Variants in BRI3BP observed in about 807,000 individuals in gnomAD.
The protein encoded by BRI3BP is BRI3-binding protein.
BRI3BP carries 7 observed loss-of-function variants against 15.8 expected under a neutral mutation model. That is an observed-to-expected ratio of 0.44 (90% CI 0.25 to 0.83). The LOEUF is 0.83. BRI3BP is among the 40% of genes least tolerant of loss of function. The pLI, the probability that BRI3BP is intolerant of heterozygous loss-of-function variation, is 0.20. For missense variants in BRI3BP, 320 were observed against 339.3 expected, an observed-to-expected ratio of 0.94 and a Z score of 0.45; for synonymous variants, 192 against 163.5, an observed-to-expected ratio of 1.17 and a Z score of -1.33.
Position 125,030,982 on chromosome 12 carries a change from CTTTAG to C in BRI3BP, c.*5556_*5560del, listed in dbSNP as rs1321346338. On this transcript the variant is annotated 3_prime_UTR_variant, in exon 3 of 3. Transcript: ENST00000341446. ...TACATGGTGTGTGTGTGTGTGTGCACTTTAGTTTCGTGAGCCTTGGGAAACTGATT... is the reference window on the plus strand; with the variant it reads ...TACATGGTGTGTGTGTGTGTGTGCACTTTCGTGAGCCTTGGGAAACTGATT... 1 of 151,808 alleles carries C rather than the reference CTTTAG, an allele frequency of 6.6e-6. No individual in the cohort carries two copies. The highest frequency in any genetic ancestry group is 1.5e-5 in the Non-Finnish European group (1 of 67,978). The allele number at this position is 151,808 out of a possible 1,614,324, so 9.4% of individuals were successfully genotyped here.
intron 2 of BRI3BP, among the ~76,000 whole-genome samples, chr12:125,020,421 G>A (rs1428435724): frequency 6.6e-6 from 1 of 152,138 alleles, no homozygotes; most frequent in African/African-American, 2.4e-5. Flanking sequence ...CCATTCATGG[G>A]GGCTCCACCC....
At chr12:125,013,047 G>A (rs1955210439) in intron 2 of BRI3BP, among the ~76,000 whole-genome samples, 1 of 152,144 alleles carries the variant, frequency 6.6e-6, no homozygotes, top group South Asian at 2.1e-4. Flanking sequence ...TCATGCCACT[G>A]TACTCCAGAC....
intron 2 of BRI3BP, among the ~76,000 whole-genome samples, chr12:125,019,203 C>T (rs1280261903): frequency 6.6e-6 from 1 of 152,108 alleles, no homozygotes; most frequent in Non-Finnish European, 1.5e-5. Flanking sequence ...CTAGGGAAGT[C>T]AGACGGTGCC....
chr12:125,015,067 C>A (rs1410093543), intron 2 of BRI3BP, among the ~76,000 whole-genome samples: 1 of 152,184 alleles, frequency 6.6e-6, no homozygotes, highest in East Asian at 1.9e-4. Context: ...ACACCCAGCC[C>A]ACCCTTGGTT....
At chr12:125,008,401 C>T (rs530406959) in intron 1 of BRI3BP, among the ~76,000 whole-genome samples, 1 of 151,378 alleles carries the variant, frequency 6.6e-6, no homozygotes, top group African/African-American at 2.4e-5. Flanking sequence ...CAAGCTCCGC[C>T]TCCCGGGTTC....
Position 125,026,284 on chromosome 12 carries a change from A to G in BRI3BP, c.*854A>G, listed in dbSNP as rs1335166887. 6.6e-6 allele frequency: 1 copy of G among 151,366 alleles called. No individual in the cohort carries two copies. The highest frequency in any genetic ancestry group is 2.4e-5 in the African/African-American group (1 of 41,190). 9.4% of individuals were successfully genotyped at this position (151,366 alleles called of 1,614,324 possible). On this transcript the variant is annotated 3_prime_UTR_variant, in exon 3 of 3. Coordinates refer to ENST00000341446, the MANE Select transcript of BRI3BP (RefSeq NM_080626.6). The stretch of plus-strand genomic sequence containing the variant: ...GCATGTCCCAATTTGCAGTTTGCTC[A>G]CTAGGGCTATATACAAAAGCTATAC...
chr12:125,000,016 CTTTTTTTTTTTTTTT>C (rs66571863), intron 1 of BRI3BP, among the ~76,000 whole-genome samples: 1 of 40,692 alleles, frequency 2.5e-5, no homozygotes, highest in Non-Finnish European at 4.3e-5. Flanking sequence ...TTTGGTTTTT[CTTTTTTTTTTTTTTT>C]TTTGCCGTTC....
intron 1 of BRI3BP, among the ~76,000 whole-genome samples, chr12:125,011,735 A>AG (rs1250468989): frequency 1.3e-5 from 2 of 151,924 alleles, no homozygotes; most frequent in African/African-American, 2.4e-5. Flanking sequence ...TAAAAAAAAA[A>AG]GTTAAAATGA....
chr12:125,014,111 T>G (rs777797158), intron 2 of BRI3BP, among the ~76,000 whole-genome samples: 9 of 152,116 alleles, frequency 5.9e-5, no homozygotes, highest in Non-Finnish European at 1.3e-4. Flanking sequence ...CATCCCATGC[T>G]CTCAGGATGA....
Position 125,025,657 on chromosome 12 carries a change from A to G in BRI3BP, c.*227A>G, listed in dbSNP as rs546584650. On this transcript the variant is annotated 3_prime_UTR_variant, in exon 3 of 3. Coordinates refer to ENST00000341446, the MANE Select transcript of BRI3BP (RefSeq NM_080626.6). ...CACACGAAGTGTAATTAGTGGGGGA[A>G]AAAATATTTTTTAAACAAAGGATAT... is the stretch of plus-strand genomic sequence containing the variant. The G allele has an allele frequency of 2.5e-5, 13 of 519,826 alleles. No individual in the cohort carries two copies. Among genetic ancestry groups the G allele is most frequent in the Non-Finnish European group, 4.0e-5 (12 of 298,046 alleles). The allele number at this position is 519,826 out of a possible 1,614,324, so 32.2% of individuals were successfully genotyped here.
downstream of BRI3BP, among the ~76,000 whole-genome samples, chr12:125,033,340 C>T (rs560133104): frequency 4.1e-4 from 63 of 152,072 alleles, no homozygotes; most frequent in Admixed American, 2.0e-4. Context: ...TGCAGTGGGC[C>T]GAGATGGCGC....
At chr12:125,041,906 C>G in the BRI3BP span, among the ~76,000 whole-genome samples, 38 of 152,302 alleles carry the variant, frequency 2.5e-4, no homozygotes, top group Non-Finnish European at 4.6e-4. Context: ...GTCGCCTAGG[C>G]TGGTCTTGAA....
the BRI3BP span, among the ~76,000 whole-genome samples, chr12:125,037,163 G>T: frequency 6.6e-6 from 1 of 152,186 alleles, no homozygotes; most frequent in Admixed American, 6.5e-5. Flanking sequence ...GGGTTCAAAT[G>T]ATTCTCCGGC....
the BRI3BP span, among the ~76,000 whole-genome samples, chr12:125,043,968 T>A: frequency 6.7e-6 from 1 of 149,120 alleles, no homozygotes; most frequent in Non-Finnish European, 1.5e-5. Context: ...GAGGCTGCAG[T>A]GAGCTGTGAT....
chr12:125,031,079 CTTAT>C lies in BRI3BP; in HGVS notation c.*5655_*5658del, dbSNP rs1330324235. On this transcript the variant is annotated 3_prime_UTR_variant, in exon 3 of 3. Transcript: ENST00000341446. ...TTTGCAAAGCGATATATACATTCCTCTTATTTATTAAATCACTGGCTTTGGTGTT... is the reference window on the plus strand; with the variant it reads ...TTTGCAAAGCGATATATACATTCCTCTTATTAAATCACTGGCTTTGGTGTT... The C allele has an allele frequency of 6.6e-6, 1 of 152,066 alleles. No individual in the cohort carries two copies. The highest frequency in any genetic ancestry group is 1.5e-5 in the Non-Finnish European group (1 of 68,022). 9.4% of individuals were successfully genotyped at this position (152,066 alleles called of 1,614,324 possible). A position where few individuals can be genotyped will look rare whatever the true frequency, so the allele number is the denominator to read the frequency against.
At chr12:125,048,232 T>G in the BRI3BP span, among the ~76,000 whole-genome samples, 1 of 152,062 alleles carries the variant, frequency 6.6e-6, no homozygotes, top group Admixed American at 6.6e-5. Context: ...CTCTCCAAGA[T>G]GCAATGCCGC....
At chr12:125,034,917 A>C (rs1008268783), downstream of BRI3BP, among the ~76,000 whole-genome samples, 1 of 152,064 alleles carries the variant, frequency 6.6e-6, no homozygotes, top group African/African-American at 2.4e-5. Context: ...ATTTTATGTA[A>C]ATGGGATGAA....
At chr12:125,007,678 C>A (rs73229597) in intron 1 of BRI3BP, among the ~76,000 whole-genome samples, 6 of 151,928 alleles carry the variant, frequency 3.9e-5, no homozygotes, top group Non-Finnish European at 8.8e-5. Flanking sequence ...GTAATTACCC[C>A]CACTGTACTC....
At chr12:125,002,506 GAGTGCAGTGGCACA>G (rs1955103882) in intron 1 of BRI3BP, among the ~76,000 whole-genome samples, 1 of 150,744 alleles carries the variant, frequency 6.6e-6, no homozygotes, top group African/African-American at 2.4e-5. Flanking sequence ...TGCCAGGCTG[GAGTGCAGTGGCACA>G]ATCTCTGCTC....
Sources: gnomAD v4.1 joint callset for allele counts (sites outside exome capture counted in the v4.1 genomes callset) on GRCh38, gnomAD v4.1.1 for gene constraint, MANE v1.5 for transcripts, NCBI Gene and HGNC (gene_info 2026-07-23, HGNC 2026-07-21) for gene names.